The following CACUL1 variants were observed in gnomAD, a reference collection of about 807,000 sequenced individuals.
The protein encoded by CACUL1 is CDK2 associated cullin domain 1.
Under a neutral mutation model 45.2 loss-of-function variants are expected in CACUL1, and 13 were observed. The ratio of observed to expected loss-of-function variants is 0.29; its 90% confidence interval spans 0.19 to 0.46. The LOEUF is 0.46. Ranked by LOEUF, CACUL1 falls within the 20% of genes least tolerant of loss-of-function variation. The probability of loss-of-function intolerance (pLI) is 1.00; values close to 1 mark genes in which losing one functional copy is unlikely to be tolerated. For synonymous variants in CACUL1, 197 were observed against 174.2 expected (o/e 1.13, Z -1.03); for missense variants, 421 against 471.4 (o/e 0.89, Z 0.99).
chr10:118,735,820 G>A (rs1359133515), intron 1 of CACUL1, among the ~76,000 whole-genome samples: 2 of 151,704 alleles, frequency 1.3e-5, no homozygotes, highest in Admixed American at 6.6e-5. Flanking sequence ...TGTAGTAATG[G>A]CAATTATAAA....
chr10:118,686,786 C>G, intron 7 of CACUL1, 145 bp from the exon 8 acceptor site: 1 of 645,668 alleles, frequency 1.5e-6, no homozygotes, highest in South Asian at 1.9e-5. Flanking sequence ...TCTTAGAATC[C>G]TGATGTACCT....
intron 1 of CACUL1, among the ~76,000 whole-genome samples, chr10:118,746,608 T>C (rs1845845731): frequency 6.6e-6 from 1 of 151,800 alleles, no homozygotes; most frequent in Non-Finnish European, 1.5e-5. Flanking sequence ...TTAGACATTA[T>C]CAAAACTGAA....
chr10:118,741,465 G>C (rs1047236456), intron 1 of CACUL1, among the ~76,000 whole-genome samples: 4 of 139,318 alleles, frequency 2.9e-5, no homozygotes, highest in African/African-American at 9.7e-5. Context: ...GAGACAGACA[G>C]ACACACACAC....
chr10:118,753,363 C>T (rs1845916411), intron 1 of CACUL1, among the ~76,000 whole-genome samples: 1 of 152,208 alleles, frequency 6.6e-6, no homozygotes, highest in Admixed American at 6.5e-5. Flanking sequence ...TTTCTCTGCA[C>T]AGCTAACTGG....
intron 3 of CACUL1, among the ~76,000 whole-genome samples, chr10:118,716,246 A>T (rs1845543619): frequency 6.6e-6 from 1 of 151,824 alleles, no homozygotes; most frequent in Non-Finnish European, 1.5e-5. Flanking sequence ...AAAAAAAGAA[A>T]AAGAAAAAGA....
At position 118,701,325 on chromosome 10, in the gene CACUL1, C is replaced by T. The variant is rs937877869; in HGVS notation, c.777G>A (p.Lys259=). 4 of 1,566,116 alleles carry T rather than the reference C, an allele frequency of 2.6e-6. No individual in the cohort carries two copies. The highest frequency in any genetic ancestry group is 3.4e-5 in the Admixed American group (2 of 59,222). ...IKLFTEHVAE[K]HIYSLMPLLL... is the part of the protein sequence containing the mutation. ...ACTTACGCATTAGGCTGTAAATGTG[C>T]TTTTCTGCAACATGTTCCGTAAACA... is the stretch of plus-strand genomic sequence containing the variant. Residue 259 remains lysine, a synonymous_variant, in exon 5 of 9, where the codon AAG becomes AAA. Coordinates refer to ENST00000369151, the MANE Select transcript of CACUL1 (RefSeq NM_153810.5).
Position 118,695,123 on chromosome 10 carries a change from G to A in CACUL1, c.886+18C>T, listed in dbSNP as rs1189558104. On this transcript the variant is annotated intron_variant, in intron 6 of 8. Coordinates refer to ENST00000369151, the MANE Select transcript of CACUL1 (RefSeq NM_153810.5). ...GTAACAAACAGTTCCAATCCCAACA[G>A]AAATGAGAAATGTTTACCTGGTCTG... is the stretch of plus-strand genomic sequence containing the variant. The A allele has an allele frequency of 7.0e-6, 10 of 1,436,290 alleles. No homozygotes were observed. The highest frequency in any genetic ancestry group is 9.8e-6 in the Non-Finnish European group (10 of 1,018,460). The allele number at this position is 1,436,290 out of a possible 1,614,324, so 89.0% of individuals were successfully genotyped here.
At chr10:118,703,274 G>A (rs1011677910) in intron 4 of CACUL1, among the ~76,000 whole-genome samples, 1 of 151,756 alleles carries the variant, frequency 6.6e-6, no homozygotes, top group Non-Finnish European at 1.5e-5. Context: ...ATTCTTTCTA[G>A]GATGTTCCTT....
In CACUL1 at chr10:118,686,735, T is replaced by G. The variant is rs544702779; in HGVS notation, c.1026-94A>C. The G allele has an allele frequency of 4.6e-5, 42 of 907,444 alleles. No homozygotes were observed. The African/African-American group carries it at 6.5e-4, about 14-fold the overall frequency. 56.2% of individuals were successfully genotyped at this position (907,444 alleles called of 1,614,324 possible). ...TTGATAATAAAAGTATAGCAGACAT[T>G]TCAGTTCTAACCAAACCTATTTAAA... is the stretch of plus-strand genomic sequence containing the variant. On this transcript the variant is annotated intron_variant, in intron 7 of 8. Transcript: ENST00000369151.
At chr10:118,690,792 T>TC (rs1316513815) in intron 7 of CACUL1, among the ~76,000 whole-genome samples, 1 of 152,212 alleles carries the variant, frequency 6.6e-6, no homozygotes, top group Admixed American at 6.5e-5. Context: ...ATGCCTATGA[T>TC]CCCAGCACTT....
chr10:118,742,601 TG>T (rs939242137), intron 1 of CACUL1, among the ~76,000 whole-genome samples: 3 of 152,052 alleles, frequency 2.0e-5, no homozygotes, highest in African/African-American at 7.2e-5. Flanking sequence ...GCCAGTTTGG[TG>T]GAGTATGATC....
At chr10:118,687,963 C>CAA (rs1250020106) in intron 7 of CACUL1, among the ~76,000 whole-genome samples, 1 of 152,188 alleles carries the variant, frequency 6.6e-6, no homozygotes, top group African/African-American at 2.4e-5. Context: ...GTTGAATTGA[C>CAA]AAAGTAGTAA....
At chr10:118,704,862 A>G (rs1241906757) in intron 4 of CACUL1, among the ~76,000 whole-genome samples, 1 of 152,152 alleles carries the variant, frequency 6.6e-6, no homozygotes, top group African/African-American at 2.4e-5. Flanking sequence ...GCACATCCTC[A>G]TTCTTCTTGG....
intron 1 of CACUL1, among the ~76,000 whole-genome samples, chr10:118,738,478 C>T (rs1463051280): frequency 6.7e-6 from 1 of 148,402 alleles, no homozygotes; most frequent in Non-Finnish European, 1.5e-5. Flanking sequence ...CCCCTACCCC[C>T]ACCCCCACCT....
In CACUL1 at chr10:118,685,469, A is replaced by C. The variant is rs536910293; in HGVS notation, c.*659T>G. The C allele has an allele frequency of 6.6e-6, 1 of 152,530 alleles. No individual in the cohort carries two copies. Among genetic ancestry groups the C allele is most frequent in the South Asian group, 2.1e-4 (1 of 4,798 alleles). The allele number at this position is 152,530 out of a possible 1,614,324, so 9.4% of individuals were successfully genotyped here. The stretch of plus-strand genomic sequence containing the variant: ...TGGTGGGTGAGTTTAGATACCATAC[A>C]CTTCTCCAGGAGGAGTTTGACAACA... On this transcript the variant is annotated 3_prime_UTR_variant, in exon 9 of 9. Transcript: ENST00000369151.
chr10:118,697,153 T>C (rs894586381), intron 5 of CACUL1, among the ~76,000 whole-genome samples: 1 of 152,226 alleles, frequency 6.6e-6, no homozygotes, highest in Non-Finnish European at 1.5e-5. Flanking sequence ...GGGTGGTAAC[T>C]TGAGAGAGAA....
At chr10:118,749,985 T>G (rs764379316) in intron 1 of CACUL1, among the ~76,000 whole-genome samples, 10 of 152,100 alleles carry the variant, frequency 6.6e-5, no homozygotes, top group Non-Finnish European at 1.3e-4. Flanking sequence ...AAACAACACA[T>G]CTCTGTGGGA....
intron 1 of CACUL1, among the ~76,000 whole-genome samples, chr10:118,738,892 T>TAAAAAAAAAAAAAAAAAAAAAAA (rs150393133): frequency 3.2e-5 from 2 of 62,270 alleles, no homozygotes; most frequent in African/African-American, 1.2e-4. Flanking sequence ...CAAGTGCTCT[T>TAAAAAAAAAAAAAAAAAAAAAAA]AAAAAAAAAA....
rs1845142214 is a variant in CACUL1, at chr10:118,680,484, C to T, written c.*5644G>A. The T allele has an allele frequency of 1.3e-5, 2 of 152,114 alleles. No individual in the cohort carries two copies. Among genetic ancestry groups the T allele is most frequent in the Admixed American group, 1.3e-4 (2 of 15,258 alleles). 9.4% of individuals were successfully genotyped at this position (152,114 alleles called of 1,614,324 possible). ...ATTCTGACAATACTGTAGGAAAGGA[C>T]ACCTCTACAGAGATAGCAAGAGAAA... On this transcript the variant is annotated 3_prime_UTR_variant, in exon 9 of 9. Coordinates refer to ENST00000369151, the MANE Select transcript of CACUL1 (RefSeq NM_153810.5).
Sources: allele counts gnomAD v4.1 joint callset (sites outside exome capture counted in the v4.1 genomes callset), GRCh38; gene constraint gnomAD v4.1.1; transcripts MANE v1.5; gene names NCBI Gene and HGNC (gene_info 2026-07-23, HGNC 2026-07-21).